The following MSH5 variants were observed in gnomAD, a reference collection of about 807,000 sequenced individuals.
MSH5 encodes mutS homolog 5.
A neutral mutation model predicts 107.7 loss-of-function variants in MSH5; 78 were observed. The ratio of observed to expected loss-of-function variants is 0.72; its 90% CI spans 0.60 to 0.87. The LOEUF is 0.87. MSH5 is among the 40% of genes least tolerant of loss of function. MSH5 has a pLI of 0.00. For synonymous variants in MSH5, 326 were observed against 399.5 expected, an observed-to-expected ratio of 0.82 and a Z score of 2.19; for missense variants, 889 against 1,046.6, an observed-to-expected ratio of 0.85 and a Z score of 2.08.
chr6:31,762,312 C>T (rs764870208), intron 24 of MSH5, 108 bp from the exon 25 acceptor site: 209 of 1,364,100 alleles, frequency 1.5e-4, no homozygotes, highest in Non-Finnish European at 2.1e-4. Context: ...TTTCTGAAAT[C>T]CCTAAATCTT....
At position 31,744,226 on chromosome 6, in the gene MSH5, C is replaced by G. The variant is rs149694647; in HGVS notation, c.574C>G (p.Arg192Gly). The change falls in exon 7 of 25, where the codon CGA becomes GGA. Residue 192 changes from arginine to glycine, a missense_variant. By Grantham distance (125) the Arg-to-Gly change is moderately radical. Coordinates refer to ENST00000375750, the MANE Select transcript of MSH5 (RefSeq NM_172166.4). ...TGGAGGGCTGCTGAAGTTCCTGGGT[C>G]GAAGAAGAATCGGGGTTGAACTGGA... ...ALGGLLKFLG[R>G]RRIGVELEDY... 2.1e-5 allele frequency: 34 copies of G among 1,613,726 alleles called. No homozygotes were observed. Among genetic ancestry groups the G allele is most frequent in the Non-Finnish European group, 2.6e-5 (31 of 1,179,908 alleles).
At position 31,744,113 on chromosome 6, in the gene MSH5, T is replaced by C. The variant is rs768819070; in HGVS notation, c.538-77T>C. On this transcript the variant is annotated intron_variant, in intron 6 of 24. Coordinates refer to ENST00000375750, the MANE Select transcript of MSH5 (RefSeq NM_172166.4). ...GAGGTACTGGCCTAGCCCTGGAAAATAGTAACTTTCCCTGGTGCTCTGCAG... is the reference window on the plus strand; with the variant it reads ...GAGGTACTGGCCTAGCCCTGGAAAACAGTAACTTTCCCTGGTGCTCTGCAG... 6 of 1,594,554 alleles carry C rather than the reference T, an allele frequency of 3.8e-6. No individual in the cohort carries two copies. The Admixed American group carries it at 7.1e-5, about 19-fold the overall frequency.
rs375514940 is a variant in MSH5 at position 31,744,238 on chromosome 6, G to C, written c.586G>C (p.Gly196Arg). ...GAAGTTCCTGGGTCGAAGAAGAATC[G>C]GGGTTGAACTGGAAGACTATAATGT... is the stretch of plus-strand genomic sequence containing the variant. ...LLKFLGRRRI[G>R]VELEDYNVSV... The change falls in exon 7 of 25, where the codon GGG (glycine) becomes CGG (arginine). Residue 196 changes from glycine (G) to arginine (R), a missense_variant. Physicochemically the swap from Gly to Arg is moderately radical, Grantham distance 125. Transcript: ENST00000375750. The C allele has an allele frequency of 3.1e-6, 5 of 1,613,974 alleles. No individual in the cohort carries two copies. The highest frequency in any genetic ancestry group is 2.7e-5 in the African/African-American group (2 of 74,866).
chr6:31,748,394 G>T (rs1268145143), intron 10 of MSH5, among the ~76,000 whole-genome samples: 1 of 147,756 alleles, frequency 6.8e-6, no homozygotes, highest in East Asian at 2.0e-4. Context: ...TGTTGCCCAG[G>T]CTGGAGTACA....
At chr6:31,757,949 C>T in intron 12 of MSH5, 1 of 609,634 alleles carries the variant, frequency 1.6e-6, no homozygotes, top group Non-Finnish European at 2.8e-6. Flanking sequence ...GGATTACAGG[C>T]ATGAGCCACT....
Position 31,759,046 on chromosome 6 carries a change from C to T in MSH5, c.1327-51C>T. The T allele has an allele frequency of 6.5e-7, 1 of 1,547,828 alleles. No individual in the cohort carries two copies. Among genetic ancestry groups the T allele is most frequent in the Non-Finnish European group, 8.9e-7 (1 of 1,120,840 alleles). On this transcript the variant is annotated intron_variant, in intron 15 of 24. Coordinates refer to ENST00000375750, the MANE Select transcript of MSH5 (RefSeq NM_172166.4). This position sits in a 1 kb window ranked among gnomAD's most constrained non-coding sequence, Gnocchi z 4.7. ...GCTCCCTCTAGGGTGGGGAGGTGTC[C>T]AGTAAGTCTCCAAGCAGGAGAGTAG... is the stretch of plus-strand genomic sequence containing the variant.
At chr6:31,748,322 C>CA (rs1437614419) in intron 10 of MSH5, among the ~76,000 whole-genome samples, 1 of 148,090 alleles carries the variant, frequency 6.8e-6, no homozygotes, top group East Asian at 2.0e-4. Flanking sequence ...CATTCCAAAA[C>CA]AGAGATCTAA....
intron 10 of MSH5, among the ~76,000 whole-genome samples, chr6:31,752,697 C>T (rs1483284249): frequency 1.4e-5 from 2 of 142,716 alleles, no homozygotes; most frequent in Non-Finnish European, 1.5e-5. Context: ...TCCAGCCTGG[C>T]GACAAAGCGA....
At chr6:31,743,032 G>T (rs762436270) in intron 4 of MSH5, 75 bp downstream of exon 4, 13 of 1,609,776 alleles carry the variant, frequency 8.1e-6, no homozygotes, top group Non-Finnish European at 1.1e-5. Context: ...GCTAGAATTG[G>T]GTGAGAGGGA....
chr6:31,750,463 C>T (rs1809848264), intron 10 of MSH5, among the ~76,000 whole-genome samples: 1 of 152,170 alleles, frequency 6.6e-6, no homozygotes, highest in South Asian at 2.1e-4. Flanking sequence ...GATTTTGAGA[C>T]TTAGCTGTTC....
At chr6:31,755,263 C>T (rs907295936) in intron 12 of MSH5, among the ~76,000 whole-genome samples, 8 of 152,056 alleles carry the variant, frequency 5.3e-5, no homozygotes, top group African/African-American at 1.9e-4. Context: ...GCGATCCTCC[C>T]CCCTCAGCCT....
Position 31,761,631 on chromosome 6 carries a change from T to C in MSH5, c.2181+16T>C. 1 of 1,614,020 alleles carries C rather than the reference T, an allele frequency of 6.2e-7. No homozygotes were observed. Among genetic ancestry groups the C allele is most frequent in the South Asian group, 1.1e-5 (1 of 91,086 alleles). ...GCAGTATTTGGTGAGGAGACCAATC[T>C]AGCTCCTCGGGGACCCCCAGGCTGG... On this transcript the variant is annotated intron_variant, in intron 22 of 24. Coordinates refer to ENST00000375750, the MANE Select transcript of MSH5 (RefSeq NM_172166.4). This position sits in a 1 kb window ranked among gnomAD's most constrained non-coding sequence, Gnocchi z 5.3.
Position 31,761,170 on chromosome 6 carries a change from C to A in MSH5, c.1963-18C>A. On this transcript the variant is annotated intron_variant, in intron 20 of 24. Coordinates refer to ENST00000375750, the MANE Select transcript of MSH5 (RefSeq NM_172166.4). This position sits in a 1 kb window ranked among gnomAD's most constrained non-coding sequence, Gnocchi z 5.3. The stretch of plus-strand genomic sequence containing the variant: ...GCTTCCAATACTAACTTTCCCTTGT[C>A]CACCTTATACCCAGCAGGTGGCGAA... 1 of 1,612,162 alleles carries A rather than the reference C, an allele frequency of 6.2e-7. No homozygotes were observed. The highest frequency in any genetic ancestry group is 8.5e-7 in the Non-Finnish European group (1 of 1,179,108).
In MSH5 at chr6:31,760,322, C is replaced by A; in HGVS notation, c.1812+106C>A. On this transcript the variant is annotated intron_variant, in intron 19 of 24. Transcript: ENST00000375750. This position sits in a 1 kb window ranked among gnomAD's most constrained non-coding sequence, Gnocchi z 5.6. ...TGCAGCTCTTCTCCCATTTTCTGACCCCGCTCTTCATGAAAGGACCATCAC... is the reference window on the plus strand; with the variant it reads ...TGCAGCTCTTCTCCCATTTTCTGACACCGCTCTTCATGAAAGGACCATCAC... 1 of 1,425,334 alleles carries A rather than the reference C, an allele frequency of 7.0e-7. No homozygotes were observed. Among genetic ancestry groups the A allele is most frequent in the Non-Finnish European group, 9.4e-7 (1 of 1,063,424 alleles). The allele number at this position is 1,425,334 out of a possible 1,614,324, so 88.3% of individuals were successfully genotyped here. A position where few individuals can be genotyped will look rare whatever the true frequency, so the allele number is the denominator to read the frequency against.
At chr6:31,753,002 A>G (rs554049119) in intron 10 of MSH5, among the ~76,000 whole-genome samples, 1 of 152,364 alleles carries the variant, frequency 6.6e-6, no homozygotes, top group South Asian at 2.1e-4. Flanking sequence ...ACCTCAACAC[A>G]CTGCTCTCCT....
Position 31,760,765 on chromosome 6 carries a change from G to A in MSH5, c.1888G>A (p.Ala630Thr), listed in dbSNP as rs569026702. The A allele has an allele frequency of 1.8e-5, 29 of 1,613,006 alleles. No individual in the cohort carries two copies. Among genetic ancestry groups the A allele is most frequent in the South Asian group, 1.3e-4 (12 of 91,078 alleles). Residue 630 changes from alanine to threonine, a missense_variant, in exon 20 of 25, where the codon GCC (alanine) becomes ACC (threonine). By Grantham distance (58) the Ala-to-Thr change is moderately conservative (BLOSUM62 0). Transcript: ENST00000375750. The surrounding 1 kb of genome is among the most constrained non-coding windows in gnomAD (Gnocchi z 5.6). ...GGAGGCCGAAATTGGGGCAGTAGACGCCATCTTCACACGAATTCATAGCTG... is the reference window on the plus strand; with the variant it reads ...GGAGGCCGAAATTGGGGCAGTAGACACCATCTTCACACGAATTCATAGCTG... ...AEEAEIGAVD[A>T]IFTRIHSCES...
At chr6:31,743,335 A>C in intron 5 of MSH5, 165 bp downstream of exon 5, 1 of 698,418 alleles carries the variant, frequency 1.4e-6, no homozygotes, top group Non-Finnish European at 2.5e-6. Context: ...CCTGCTCCCT[A>C]CCCTTTAATA....
At position 31,740,360 on chromosome 6, in the gene MSH5, A is replaced by C. The variant is rs1232066772; in HGVS notation, c.-13-94A>C. On this transcript the variant is annotated intron_variant, in intron 1 of 24. Coordinates refer to ENST00000375750, the MANE Select transcript of MSH5 (RefSeq NM_172166.4). The surrounding 1 kb of genome is among the most constrained non-coding windows in gnomAD (Gnocchi z 4.4). Reference sequence around the variant, plus strand: ...GCCCTGCCCCGCAGCCCTGTAGCAGAAGTACTTAGTGCTTTGCATTCTGCG... The same window carrying C: ...GCCCTGCCCCGCAGCCCTGTAGCAGCAGTACTTAGTGCTTTGCATTCTGCG... 23 of 1,330,964 alleles carry C rather than the reference A, an allele frequency of 1.7e-5. No homozygotes were observed. The Admixed American group carries it at 4.1e-4, about 24-fold the overall frequency. 82.4% of individuals were successfully genotyped at this position (1,330,964 alleles called of 1,614,324 possible).
At chr6:31,753,695 C>G in intron 12 of MSH5, 66 bp downstream of exon 12, 1 of 1,428,682 alleles carries the variant, frequency 7.0e-7, no homozygotes, top group South Asian at 1.1e-5. Flanking sequence ...TCCAGACTGT[C>G]TGTACCCTAG....
Sources: gnomAD v4.1 joint callset for allele counts (sites outside exome capture counted in the v4.1 genomes callset) on GRCh38, gnomAD v4.1.1 for gene constraint, Gnocchi (gnomAD v3.1) non-coding constraint, MANE v1.5 for transcripts, NCBI Gene and HGNC (gene_info 2026-07-23, HGNC 2026-07-21) for gene names.